The following FMN2 variants were observed in gnomAD, a reference collection of about 807,000 sequenced individuals.
The protein encoded by FMN2 is formin 2.
A neutral mutation model predicts 142.3 loss-of-function variants in FMN2; 51 were observed. The observed-to-expected ratio is 0.36, with a 90% CI of 0.29 to 0.45. The LOEUF is 0.45. Among genes scored for constraint, FMN2 ranks in the 20% least tolerant of loss-of-function variants. The pLI, the probability that FMN2 is intolerant of heterozygous loss-of-function variation, is 1.00. For synonymous variants in FMN2, 882 were observed against 869.8 expected, an observed-to-expected ratio of 1.01 and a Z score of -0.25; for missense variants, 1,936 against 2,122.8, an observed-to-expected ratio of 0.91 and a Z score of 1.73.
At chr1:240,471,137 A>G (rs756975021) in intron 16 of FMN2, among the ~76,000 whole-genome samples, 1 of 152,182 alleles carries the variant, frequency 6.6e-6, no homozygotes, top group African/African-American at 2.4e-5. Flanking sequence ...TGGTCAGTTC[A>G]ATGTTGTTTT....
chr1:240,092,817 C>A lies in FMN2; in HGVS notation c.708C>A (p.Pro236=), dbSNP rs771814202. 2.0e-5 allele frequency: 31 copies of A among 1,576,108 alleles called. 1 individual carries two copies. The Middle Eastern group carries it at 5.7e-4, about 29-fold the overall frequency. The change falls in exon 1 of 18, where the codon CCC becomes CCA. Residue 236 remains proline (P), a synonymous_variant. Coordinates refer to ENST00000319653, the MANE Select transcript of FMN2 (RefSeq NM_020066.5). ...LQGAEEPAAP[P]TAVSPQPGAF... is the part of the protein sequence containing the mutation. ...GCGCCGAGGAGCCTGCAGCGCCCCCCACTGCCGTCTCCCCTCAGCCCGGGG... is the reference window on the plus strand; with the variant it reads ...GCGCCGAGGAGCCTGCAGCGCCCCCAACTGCCGTCTCCCCTCAGCCCGGGG...
chr1:240,131,322 T>G (rs1272933978), intron 2 of FMN2, among the ~76,000 whole-genome samples: 1 of 151,998 alleles, frequency 6.6e-6, no homozygotes, highest in Non-Finnish European at 1.5e-5. Context: ...AGGGGAAGGT[T>G]TTTAACTGGG....
chr1:240,192,080 A>C (rs1665720756), intron 4 of FMN2, among the ~76,000 whole-genome samples: 1 of 152,240 alleles, frequency 6.6e-6, no homozygotes, highest in Non-Finnish European at 1.5e-5. Flanking sequence ...TGCTCTGATC[A>C]GCCCTACCGA....
intron 14 of FMN2, among the ~76,000 whole-genome samples, chr1:240,386,357 T>C (rs1673405371): frequency 1.3e-5 from 2 of 152,286 alleles, no homozygotes; most frequent in African/African-American, 2.4e-5. Context: ...GTTAACACTT[T>C]AAATAAAAAG....
chr1:240,125,949 T>C (rs2103224349), intron 2 of FMN2, among the ~76,000 whole-genome samples: 1 of 152,308 alleles, frequency 6.6e-6, no homozygotes, highest in East Asian at 1.9e-4. Flanking sequence ...TGATTGCATT[T>C]TGTCTTCCTT....
At chr1:240,208,879 C>A in intron 5 of FMN2, 147 bp downstream of exon 5, 2 of 1,037,846 alleles carry the variant, frequency 1.9e-6, no homozygotes, top group Non-Finnish European at 2.7e-6. Flanking sequence ...TATAGTGCAG[C>A]AGTTTGCTAT....
intron 1 of FMN2, among the ~76,000 whole-genome samples, chr1:240,122,777 G>A (rs1662335044): frequency 6.6e-6 from 1 of 152,114 alleles, no homozygotes; most frequent in Admixed American, 6.5e-5. Context: ...TCTGAGCTGG[G>A]CGTGGTGGCT....
At chr1:240,137,163 G>GT (rs1662978633) in intron 2 of FMN2, among the ~76,000 whole-genome samples, 1 of 151,436 alleles carries the variant, frequency 6.6e-6, no homozygotes, top group African/African-American at 2.4e-5. Flanking sequence ...AGCTTAAAGG[G>GT]TTTTTTTGTT....
At chr1:240,112,284 A>C (rs891204380) in intron 1 of FMN2, among the ~76,000 whole-genome samples, 2 of 152,004 alleles carry the variant, frequency 1.3e-5, no homozygotes, top group Non-Finnish European at 2.9e-5. Context: ...GGCACGCACC[A>C]CCACACCCAG....
chr1:240,236,322 G>A lies in FMN2; in HGVS notation c.4066-21623G>A, dbSNP rs74149383. Among the ~76,000 whole-genome samples, 700 of 152,154 alleles carry A rather than the reference G, an allele frequency of 4.6e-3. 19 individuals carry two copies. The highest frequency in any genetic ancestry group is 0.012 in the African/African-American group (498 of 41,514). ...TTTAGCTTTAGTGACTCTCACTCTCGCCATGCCTTTAACTACATACTTCAG... is the reference window on the plus strand; with the variant it reads ...TTTAGCTTTAGTGACTCTCACTCTCACCATGCCTTTAACTACATACTTCAG... On this transcript the variant is annotated intron_variant, in intron 6 of 17. Transcript: ENST00000319653.
intron 15 of FMN2, among the ~76,000 whole-genome samples, chr1:240,411,294 C>T (rs898499045): frequency 3.9e-5 from 6 of 152,036 alleles, no homozygotes; most frequent in East Asian, 1.9e-4. Context: ...TACATTCGGC[C>T]GGGCGCGGTG....
chr1:240,394,648 G>A (rs1673711487), intron 15 of FMN2, among the ~76,000 whole-genome samples: 1 of 152,154 alleles, frequency 6.6e-6, no homozygotes, highest in South Asian at 2.1e-4. Context: ...CATAGCTAGA[G>A]AGAAGTCAAT....
chr1:240,273,639 G>T (rs1379369727), intron 7 of FMN2, among the ~76,000 whole-genome samples: 1 of 152,108 alleles, frequency 6.6e-6, no homozygotes, highest in East Asian at 1.9e-4. Flanking sequence ...CTGTGTATGG[G>T]AGTGGCATGA....
chr1:240,180,178 G>T (rs1251710149), intron 3 of FMN2: 7 of 1,282,648 alleles, frequency 5.5e-6, no homozygotes. Flanking sequence ...GAGGATGATG[G>T]AGGTAAGAAG....
intron 7 of FMN2, 62 bp from the exon 8 acceptor site, chr1:240,294,760 A>G: frequency 2.0e-6 from 3 of 1,497,518 alleles, no homozygotes; most frequent in Non-Finnish European, 2.8e-6. Flanking sequence ...GCTGCCTGAG[A>G]TGGTCAAACA....
intron 14 of FMN2, among the ~76,000 whole-genome samples, chr1:240,365,986 G>T (rs979889334): frequency 6.6e-6 from 1 of 152,042 alleles, no homozygotes; most frequent in Non-Finnish European, 1.5e-5. Flanking sequence ...TGGAAAATGT[G>T]GCACAAAATA....
At chr1:240,297,409 C>T (rs1220584787) in intron 8 of FMN2, among the ~76,000 whole-genome samples, 1 of 151,884 alleles carries the variant, frequency 6.6e-6, no homozygotes. Context: ...GCCTGGCCAA[C>T]ATGGTGAAAC....
At chr1:240,427,339 T>C (rs556253910) in intron 15 of FMN2, among the ~76,000 whole-genome samples, 1 of 151,846 alleles carries the variant, frequency 6.6e-6, no homozygotes, top group South Asian at 2.1e-4. Context: ...CTGAGTAGCT[T>C]GGACTACAGG....
chr1:240,471,208 C>T (rs1291390999), intron 16 of FMN2, among the ~76,000 whole-genome samples: 1 of 152,122 alleles, frequency 6.6e-6, no homozygotes, highest in Non-Finnish European at 1.5e-5. Context: ...ACTGCTCACT[C>T]TCTTTTTTGT....
Sources: allele counts gnomAD v4.1 joint callset (sites outside exome capture counted in the v4.1 genomes callset), GRCh38; gene constraint gnomAD v4.1.1; transcripts MANE v1.5; gene names NCBI Gene and HGNC (gene_info 2026-07-23, HGNC 2026-07-21).